The following ERC2 variants were observed in gnomAD, a reference collection of about 807,000 sequenced individuals.
ERC2 encodes the protein ERC protein 2.
In ERC2, 42 loss-of-function variants were observed where a neutral mutation model predicts 114.8. The ratio of observed to expected loss-of-function variants is 0.37; its 90% CI spans 0.29 to 0.47. The LOEUF (loss-of-function observed/expected upper bound fraction) is 0.47. ERC2 is among the 20% of genes least tolerant of loss of function. ERC2 has a pLI of 0.99. For synonymous variants in ERC2, 454 were observed against 425.5 expected (o/e 1.07, Z -0.82); for missense variants, 939 against 1,150.7 (o/e 0.82, Z 2.66).
chr3:55,639,451 G>A (rs1466458824), intron 17 of ERC2, among the ~76,000 whole-genome samples: 2 of 152,096 alleles, frequency 1.3e-5, no homozygotes, highest in East Asian at 3.9e-4. Flanking sequence ...AGCCTGGGGA[G>A]CCTACAGGAG....
At chr3:55,826,994 T>C (rs1333061662) in intron 14 of ERC2, among the ~76,000 whole-genome samples, 1 of 152,186 alleles carries the variant, frequency 6.6e-6, no homozygotes, top group Non-Finnish European at 1.5e-5. Flanking sequence ...AATAGCAGCC[T>C]CACTTTACTT....
intron 14 of ERC2, among the ~76,000 whole-genome samples, chr3:55,751,096 G>A (rs1559596800): frequency 6.6e-6 from 1 of 152,204 alleles, no homozygotes; most frequent in African/African-American, 2.4e-5. Context: ...ATTGCTGCAT[G>A]TTACTATCAG....
intron 3 of ERC2, among the ~76,000 whole-genome samples, chr3:56,249,645 T>G (rs1475346042): frequency 6.6e-6 from 1 of 151,626 alleles, no homozygotes; most frequent in African/African-American, 2.4e-5. Flanking sequence ...TGTTTAACCT[T>G]TCTAACCCTC....
chr3:56,113,891 T>TTA (rs2079092475), intron 6 of ERC2, among the ~76,000 whole-genome samples: 12 of 152,190 alleles, frequency 7.9e-5, no homozygotes, highest in Admixed American at 7.9e-4. Context: ...AACATATCAC[T>TTA]TGTGAATATA....
intron 2 of ERC2, among the ~76,000 whole-genome samples, chr3:56,324,232 A>C (rs2057255434): frequency 6.6e-6 from 1 of 152,202 alleles, no homozygotes; most frequent in Non-Finnish European, 1.5e-5. Flanking sequence ...GTTAGTTGTG[A>C]CAGAGGGAGC....
At chr3:56,436,399 A>T (rs1054937489) in intron 1 of ERC2, among the ~76,000 whole-genome samples, 3 of 152,190 alleles carry the variant, frequency 2.0e-5, no homozygotes, top group Non-Finnish European at 4.4e-5. Context: ...TTTTGAAGGT[A>T]AGTGTCTCAA....
chr3:55,734,672 A>C, intron 15 of ERC2, 99 bp downstream of exon 15: 1 of 1,446,448 alleles, frequency 6.9e-7, no homozygotes, highest in South Asian at 1.5e-5. Context: ...GCTTGAGCCC[A>C]CAGGATGGAC....
intron 2 of ERC2, among the ~76,000 whole-genome samples, chr3:56,363,669 G>A (rs2059043143): frequency 6.6e-6 from 1 of 152,126 alleles, no homozygotes; most frequent in Non-Finnish European, 1.5e-5. Flanking sequence ...ATCTATCAAT[G>A]TAACTTTAAA....
intron 2 of ERC2, among the ~76,000 whole-genome samples, chr3:56,300,065 C>T (rs537722204): frequency 1.3e-5 from 2 of 152,088 alleles, no homozygotes; most frequent in African/African-American, 2.4e-5. Flanking sequence ...AATCATAATG[C>T]CTACTATAGG....
At chr3:56,437,288 C>A (rs2062065139) in intron 1 of ERC2, among the ~76,000 whole-genome samples, 1 of 152,188 alleles carries the variant, frequency 6.6e-6, no homozygotes, top group Non-Finnish European at 1.5e-5. Context: ...GTGAGCAAGC[C>A]CAGCCAAAGT....
At chr3:56,010,357 T>C (rs1015572245) in intron 9 of ERC2, 92 bp downstream of exon 9, 4 of 1,416,148 alleles carry the variant, frequency 2.8e-6, no homozygotes, top group Non-Finnish European at 3.8e-6. Flanking sequence ...CTTCATACAG[T>C]GCCTCCTACT....
At chr3:55,712,204 T>C (rs901447033) in intron 15 of ERC2, among the ~76,000 whole-genome samples, 20 of 152,298 alleles carry the variant, frequency 1.3e-4, no homozygotes, top group Admixed American at 2.6e-4. Context: ...TAATTGTATA[T>C]CTAAAGAAAA....
At chr3:56,390,904 A>T (rs2060104375) in intron 2 of ERC2, among the ~76,000 whole-genome samples, 1 of 152,202 alleles carries the variant, frequency 6.6e-6, no homozygotes, top group Non-Finnish European at 1.5e-5. Context: ...GGACTGTGAC[A>T]GCCTAATAGA....
chr3:55,736,473 C>T (rs1191713443), intron 14 of ERC2, among the ~76,000 whole-genome samples: 1 of 152,194 alleles, frequency 6.6e-6, no homozygotes. Flanking sequence ...ATGTCCAAGT[C>T]GGTCATCTGT....
At chr3:56,006,175 C>A (rs12487286) in intron 10 of ERC2, among the ~76,000 whole-genome samples, 49,611 of 151,868 alleles carry the variant, frequency 0.33, 8,711 homozygotes, top group East Asian at 0.49. Flanking sequence ...ATTTCCTAAA[C>A]ATCTCTGTAA....
chr3:55,667,302 T>C (rs1219647316), intron 17 of ERC2, among the ~76,000 whole-genome samples: 1 of 152,220 alleles, frequency 6.6e-6, no homozygotes, highest in Admixed American at 6.5e-5. Context: ...TGTTAAACCA[T>C]GTAAACCGTC....
At chr3:56,059,548 T>C (rs1362059850) in intron 7 of ERC2, among the ~76,000 whole-genome samples, 1 of 152,198 alleles carries the variant, frequency 6.6e-6, no homozygotes, top group Non-Finnish European at 1.5e-5. Flanking sequence ...TGAGGTGTCT[T>C]TGGGCTCAAA....
At chr3:56,282,877 C>T (rs2054442824) in intron 3 of ERC2, among the ~76,000 whole-genome samples, 1 of 152,172 alleles carries the variant, frequency 6.6e-6, no homozygotes. Flanking sequence ...GTCCTCTATG[C>T]AATACACATT....
chr3:55,871,046 C>A (rs1490961390), intron 14 of ERC2, among the ~76,000 whole-genome samples: 1 of 152,204 alleles, frequency 6.6e-6, no homozygotes, highest in Non-Finnish European at 1.5e-5. Flanking sequence ...TCTAGCTCAA[C>A]CCAGTGATAT....
Sources: gnomAD v4.1 joint callset for allele counts (sites outside exome capture counted in the v4.1 genomes callset) on GRCh38, gnomAD v4.1.1 for gene constraint, MANE v1.5 for transcripts, NCBI Gene and HGNC (gene_info 2026-07-23, HGNC 2026-07-21) for gene names.